Variants in DNAH9 observed in about 807,000 individuals in gnomAD.
The protein encoded by DNAH9 is dynein axonemal heavy chain 9, also known as DNAH9 variant protein.
A neutral mutation model predicts 471.6 loss-of-function variants in DNAH9; 345 were observed. The observed-to-expected ratio is 0.73, with a 90% CI of 0.67 to 0.80. The LOEUF (loss-of-function observed/expected upper bound fraction) is 0.80. Ranked by LOEUF, DNAH9 falls within the 30% of genes least tolerant of loss-of-function variation. DNAH9 has a pLI of 0.00. For missense variants in DNAH9, 5,407 were observed against 5,609.2 expected, an observed-to-expected ratio of 0.96 and a Z score of 1.15; for synonymous variants, 2,093 against 2,123.6, an observed-to-expected ratio of 0.99 and a Z score of 0.40.
Position 11,636,746 on chromosome 17 carries a change from T to C in DNAH9, c.1748T>C (p.Met583Thr). Residue 583 changes from methionine to threonine, a missense_variant, in exon 9 of 69, where the codon ATG becomes ACG. Coordinates refer to ENST00000262442, the MANE Select transcript of DNAH9 (RefSeq NM_001372.4). The part of the protein sequence containing the change: ...MFNKDLDAVR[M>T]IYSQHVQEEA... ...AACAAAGATCTGGATGCAGTGAGGA[T>C]GATCTACAGTCAGCACGTCCAGGAG... 1 of 1,614,162 alleles carries C rather than the reference T, an allele frequency of 6.2e-7. No homozygotes were observed. Among genetic ancestry groups the C allele is most frequent in the Non-Finnish European group, 8.5e-7 (1 of 1,179,988 alleles).
chr17:11,723,544 C>T (rs1420887687), intron 27 of DNAH9: 2 of 151,922 alleles, frequency 1.3e-5, no homozygotes, highest in Non-Finnish European at 2.9e-5. Context: ...GGGGGAGAAA[C>T]ATAGGGGTGA....
chr17:11,784,322 T>G lies in DNAH9; in HGVS notation c.7844T>G (p.Leu2615Arg). The G allele has an allele frequency of 6.2e-7, 1 of 1,614,152 alleles. No homozygotes were observed. The highest frequency in any genetic ancestry group is 8.5e-7 in the Non-Finnish European group (1 of 1,180,020). The change falls in exon 41 of 69, where the codon CTC becomes CGC. Residue 2615 changes from leucine (L) to arginine (R), a missense_variant. Physicochemically the swap from Leu to Arg is moderately radical, Grantham distance 102. Transcript: ENST00000262442. ...RLQRHFSVFV[L>R]SFPGADALSS... ...CAGCGTCACTTCAGCGTGTTTGTCC[T>G]CTCCTTCCCGGGGGCAGATGCCCTG... is the stretch of plus-strand genomic sequence containing the variant.
Position 11,606,018 on chromosome 17 carries a change from G to A in DNAH9, c.418-2111G>A, listed in dbSNP as rs1484095005. 2.2e-4 allele frequency among the ~76,000 whole-genome samples: 34 copies of A among 152,060 alleles called. 1 individual carries two copies. The highest frequency in any genetic ancestry group is 2.9e-5 in the Non-Finnish European group (2 of 68,014). On this transcript the variant is annotated intron_variant, in intron 1 of 68. Transcript: ENST00000262442. ...TAGAGTCCCTGCCTTTGAGATCCTA[G>A]GAAAATTCCAGTTCATCCTCTTTCC... is the stretch of plus-strand genomic sequence containing the variant.
chr17:11,961,735 G>A (rs1976200997), intron 67 of DNAH9, 132 bp from the exon 68 acceptor site: 6 of 1,155,006 alleles, frequency 5.2e-6, no homozygotes, highest in South Asian at 1.5e-5. Context: ...GGAGTTTTAT[G>A]TTCAAATGAC....
chr17:11,717,117 T>A (rs2150798226), intron 26 of DNAH9, among the ~76,000 whole-genome samples: 1 of 152,334 alleles, frequency 6.6e-6, no homozygotes, highest in East Asian at 1.9e-4. Flanking sequence ...ACCCTAACCC[T>A]GACTCACCTC....
At chr17:11,964,393 T>C (rs1398598038) in intron 68 of DNAH9, among the ~76,000 whole-genome samples, 1 of 152,144 alleles carries the variant, frequency 6.6e-6, no homozygotes, top group East Asian at 1.9e-4. Flanking sequence ...GGGAATGATA[T>C]CAGTTTCAAT....
rs375302076 is a variant in DNAH9 at position 11,937,409 on chromosome 17, G to A, written c.12547G>A (p.Ala4183Thr). ...CTACCTCTATGGCCTCCACCCGAAC[G>A]CAGAGATTGGCTTCCTGACCCAAAC... The part of the protein sequence containing the change: ...SPYLYGLHPN[A>T]EIGFLTQTSE... The change falls in exon 66 of 69, where the codon GCA becomes ACA. Residue 4183 changes from alanine (A) to threonine (T), a missense_variant. Around this residue, in one of 3 missense-constraint regions of DNAH9, gnomAD observed 4,636 missense variants for 4,900.3 expected, o/e 0.95. Transcript: ENST00000262442. This position sits in a 1 kb window ranked among gnomAD's most constrained non-coding sequence, Gnocchi z 4.1. The A allele has an allele frequency of 1.4e-5, 22 of 1,613,902 alleles. No homozygotes were observed. In the Admixed American group the frequency reaches 2.5e-4, roughly 18 times the overall value.
At position 11,629,444 on chromosome 17, in the gene DNAH9, C is replaced by G. The variant is rs377142502; in HGVS notation, c.1378C>G (p.His460Asp). ...EGLLKTALDFHKLGKVEFSGV... is the reference protein window; with the variant it reads ...EGLLKTALDFDKLGKVEFSGV... ...TCTTCTGAAGACGGCCCTGGATTTC[C>G]ACAAACTGGGAAAGGTGGAGTTCAG... Residue 460 changes from histidine (H) to aspartate (D), a missense_variant, in exon 7 of 69, where the codon CAC (histidine) becomes GAC (aspartate). His to Asp is a moderately conservative substitution (Grantham distance 81). Coordinates refer to ENST00000262442, the MANE Select transcript of DNAH9 (RefSeq NM_001372.4). The G allele has an allele frequency of 9.0e-5, 145 of 1,613,950 alleles. No individual in the cohort carries two copies. Among genetic ancestry groups the G allele is most frequent in the Non-Finnish European group, 1.1e-4 (135 of 1,179,982 alleles).
chr17:11,882,600 C>T (rs770011632), intron 55 of DNAH9, among the ~76,000 whole-genome samples: 5 of 152,138 alleles, frequency 3.3e-5, no homozygotes, highest in Non-Finnish European at 7.3e-5. Context: ...GAGGATTCAG[C>T]AGTGAACAAA....
chr17:11,817,925 A>G (rs558516796), intron 45 of DNAH9, among the ~76,000 whole-genome samples: 1 of 152,378 alleles, frequency 6.6e-6, no homozygotes, highest in Non-Finnish European at 1.5e-5. Context: ...GCTAATTAGT[A>G]TGAAACTCTT....
Position 11,894,506 on chromosome 17 carries a change from GA to G in DNAH9, c.11406+11del. 6.2e-7 allele frequency: 1 copy of G among 1,609,806 alleles called. No homozygotes were observed. Among genetic ancestry groups the G allele is most frequent in the Non-Finnish European group, 8.5e-7 (1 of 1,176,674 alleles). On this transcript the variant is annotated intron_variant, in intron 59 of 68. Coordinates refer to ENST00000262442, the MANE Select transcript of DNAH9 (RefSeq NM_001372.4). Reference sequence around the variant, plus strand: ...GTGGGGAGCTGTCAAGGTCAGTATTGACCCCTAGAAAAAAGCCAAGCTCTCA... The same window carrying G: ...GTGGGGAGCTGTCAAGGTCAGTATTGCCCCTAGAAAAAAGCCAAGCTCTCA...
At chr17:11,699,235 C>T (rs62061778) in intron 22 of DNAH9, among the ~76,000 whole-genome samples, 22,045 of 151,940 alleles carry the variant, frequency 0.15, 1,867 homozygotes, top group South Asian at 0.26. Flanking sequence ...GGCGACAGAG[C>T]CAGACTCCGT....
intron 65 of DNAH9, among the ~76,000 whole-genome samples, chr17:11,936,446 A>G (rs535079695): frequency 4.6e-5 from 7 of 152,306 alleles, no homozygotes; most frequent in Admixed American, 4.6e-4. Flanking sequence ...CCCAGGCAAC[A>G]TAGTGAGACC....
rs770990867 is a variant in DNAH9 at position 11,871,689 on chromosome 17, T to A, written c.10145T>A (p.Leu3382His). The change falls in exon 52 of 69, where the codon CTT (leucine) becomes CAT (histidine). Residue 3382 changes from leucine to histidine, a missense_variant. This residue lies in a region of DNAH9 where 4,636 missense variants were observed against 4,900.3 expected (regional missense o/e 0.95). Coordinates refer to ENST00000262442, the MANE Select transcript of DNAH9 (RefSeq NM_001372.4). ...AGGACGTTATGTGGAGACATTTTACTTATAACGGCTTTCATTTCCTACCTT... is the reference window on the plus strand; with the variant it reads ...AGGACGTTATGTGGAGACATTTTACATATAACGGCTTTCATTTCCTACCTT... The part of the protein sequence containing the change: ...QERTLCGDIL[L>H]ITAFISYLGF... 1 of 1,614,220 alleles carries A rather than the reference T, an allele frequency of 6.2e-7. No individual in the cohort carries two copies. The highest frequency in any genetic ancestry group is 1.7e-5 in the Admixed American group (1 of 60,022).
chr17:11,942,284 G>A lies in DNAH9; in HGVS notation c.12661-19G>A. 1 of 1,611,874 alleles carries A rather than the reference G, an allele frequency of 6.2e-7. No individual in the cohort carries two copies. Among genetic ancestry groups the A allele is most frequent in the Non-Finnish European group, 8.5e-7 (1 of 1,178,556 alleles). ...GAATAGAGCCCTTTCTTAACGCTGT[G>A]TTTCCTTCTGTGGGGCAGGTCAAGG... On this transcript the variant is annotated intron_variant, in intron 66 of 68. Transcript: ENST00000262442.
chr17:11,849,110 A>G (rs932984730), intron 49 of DNAH9, among the ~76,000 whole-genome samples: 1 of 152,198 alleles, frequency 6.6e-6, no homozygotes, highest in African/African-American at 2.4e-5. Flanking sequence ...TGCTGGCATT[A>G]CAAGCGTGAG....
chr17:11,763,303 G>T, intron 35 of DNAH9, 137 bp from the exon 36 acceptor site: 1 of 734,200 alleles, frequency 1.4e-6, no homozygotes. Flanking sequence ...CTTAAGTGGC[G>T]CTCTGGTTGT....
At chr17:11,900,395 C>G (rs1973367422) in intron 59 of DNAH9, among the ~76,000 whole-genome samples, 1 of 150,738 alleles carries the variant, frequency 6.6e-6, no homozygotes, top group African/African-American at 2.4e-5. Context: ...TCCAGCTGTT[C>G]CTGTCGGTGG....
chr17:11,958,986 G>A (rs1441784072), intron 67 of DNAH9, among the ~76,000 whole-genome samples: 2 of 152,080 alleles, frequency 1.3e-5, no homozygotes, highest in Non-Finnish European at 1.5e-5. Context: ...TCAAAAATCA[G>A]TCAGTGAAGT....
Sources: allele counts gnomAD v4.1 joint callset (sites outside exome capture counted in the v4.1 genomes callset), GRCh38; gene constraint gnomAD v4.1.1; regional missense constraint gnomAD v4.1.1; non-coding constraint Gnocchi (gnomAD v3.1); transcripts MANE v1.5; gene names NCBI Gene and HGNC (gene_info 2026-07-23, HGNC 2026-07-21).